STARD9: variants seen among roughly 807,000 people sequenced by gnomAD.
The protein encoded by STARD9 is stAR-related lipid transfer protein 9.
Under a neutral mutation model 399.8 loss-of-function variants are expected in STARD9, and 346 were observed. The ratio of observed to expected loss-of-function variants is 0.87; its 90% confidence interval spans 0.79 to 0.95. The LOEUF is 0.95. Ranked by LOEUF, STARD9 falls within the 40% of genes least tolerant of loss-of-function variation. The pLI, the probability that STARD9 is intolerant of heterozygous loss-of-function variation, is 0.00. For synonymous variants in STARD9, 2,203 were observed against 2,143.5 expected, an observed-to-expected ratio of 1.03 and a Z score of -0.77; for missense variants, 5,832 against 5,667.5, an observed-to-expected ratio of 1.03 and a Z score of -0.93.
At chr15:42,709,424 C>T (rs1016663668) in intron 26 of STARD9, among the ~76,000 whole-genome samples, 1 of 152,112 alleles carries the variant, frequency 6.6e-6, no homozygotes, top group Non-Finnish European at 1.5e-5. Flanking sequence ...AGGTGGCTCA[C>T]GCCTGTAATC....
At chr15:42,577,892 TC>T (rs770746071) in intron 1 of STARD9, among the ~76,000 whole-genome samples, 43 of 152,302 alleles carry the variant, frequency 2.8e-4, no homozygotes, top group Non-Finnish European at 5.9e-4. Context: ...AGTCATTGGA[TC>T]TGATGTTGTG....
intron 3 of STARD9, among the ~76,000 whole-genome samples, chr15:42,589,065 T>C (rs1334833458): frequency 6.6e-6 from 1 of 152,082 alleles, no homozygotes; most frequent in Non-Finnish European, 1.5e-5. Flanking sequence ...TCCACCTGCC[T>C]TGGCCTCCCA....
At position 42,675,986 on chromosome 15, in the gene STARD9, G is replaced by A. The variant is rs1370971524; in HGVS notation, c.1874+11G>A. ...GCTTTGGAAGGAAAGGTAAGAAATA[G>A]CTGCTTATACTGATGTGGAACCTAC... On this transcript the variant is annotated intron_variant, in intron 20 of 32. Transcript: ENST00000290607. 2 of 1,519,022 alleles carry A rather than the reference G, an allele frequency of 1.3e-6. No homozygotes were observed. Among genetic ancestry groups the A allele is most frequent in the Admixed American group, 4.0e-5 (2 of 49,832 alleles). 94.1% of individuals were successfully genotyped at this position (1,519,022 alleles called of 1,614,324 possible).
rs1566937401 is a variant in STARD9 at position 42,686,562 on chromosome 15, G to A, written c.4984G>A (p.Ala1662Thr). 1.3e-6 allele frequency: 2 copies of A among 1,537,392 alleles called. No individual in the cohort carries two copies. The highest frequency in any genetic ancestry group is 3.9e-5 in the Admixed American group (2 of 50,984). The change falls in exon 23 of 33, where the codon GCC becomes ACC. Residue 1662 changes from alanine (A) to threonine (T), a missense_variant. Ala to Thr is a moderately conservative substitution (Grantham distance 58). This residue lies in a region of STARD9 where 5,828 missense variants were observed against 5,651.1 expected (regional missense o/e 1.03). Coordinates refer to ENST00000290607, the MANE Select transcript of STARD9 (RefSeq NM_020759.3). ...KNACHSNVTT[A>T]TKADHWSQGW... is the part of the protein sequence containing the mutation. ...CGCTTGTCACAGTAATGTCACTACA[G>A]CCACCAAAGCAGACCATTGGTCCCA...
At chr15:42,656,032 C>T (rs2059861393) in intron 9 of STARD9, among the ~76,000 whole-genome samples, 1 of 151,972 alleles carries the variant, frequency 6.6e-6, no homozygotes, top group South Asian at 2.1e-4. Context: ...GCAATACCAC[C>T]TTACTCCTGC....
chr15:42,693,233 G>T lies in STARD9; in HGVS notation c.11655G>T (p.Lys3885Asn). The change falls in exon 23 of 33, where the codon AAG becomes AAT. Residue 3885 changes from lysine to asparagine, a missense_variant. This residue lies in a region of STARD9 where 5,828 missense variants were observed against 5,651.1 expected (regional missense o/e 1.03). Transcript: ENST00000290607. ...CTGGGGACTCCAGGGTCCAGAAGAA[G>T]CTGGGCCCCACAAGTGCTTTGTTCG... is the stretch of plus-strand genomic sequence containing the variant. ...EYPGDSRVQK[K>N]LGPTSALFVD... 2 of 1,537,004 alleles carry T rather than the reference G, an allele frequency of 1.3e-6. No homozygotes were observed. The highest frequency in any genetic ancestry group is 1.7e-6 in the Non-Finnish European group (2 of 1,146,850).
intron 3 of STARD9, among the ~76,000 whole-genome samples, chr15:42,588,281 C>G (rs932329188): frequency 6.6e-6 from 1 of 151,580 alleles, no homozygotes; most frequent in Non-Finnish European, 1.5e-5. Context: ...GTTGTGAGTC[C>G]CGTATTTTAC....
At chr15:42,587,723 G>A (rs953576220) in intron 3 of STARD9, among the ~76,000 whole-genome samples, 2 of 152,062 alleles carry the variant, frequency 1.3e-5, no homozygotes, top group Non-Finnish European at 2.9e-5. Context: ...GTGCCACCAC[G>A]CCTGGCTAAT....
At position 42,687,652 on chromosome 15, in the gene STARD9, T is replaced by TG; in HGVS notation, c.6075dup (p.Leu2026ValfsTer14). Reference sequence around the variant, plus strand: ...CCCAGTGAATGCAAGTCACAAGAAATGTTAAATCCCAACAGAGAACCTTCT... The same window carrying TG: ...CCCAGTGAATGCAAGTCACAAGAAATGGTTAAATCCCAACAGAGAACCTTCT... On this transcript the variant is annotated frameshift_variant, in exon 23 of 33. Transcript: ENST00000290607. LOFTEE classifies it high-confidence loss of function. 1 of 1,537,066 alleles carries TG rather than the reference T, an allele frequency of 6.5e-7. No individual in the cohort carries two copies. Among genetic ancestry groups the TG allele is most frequent in the Non-Finnish European group, 8.7e-7 (1 of 1,146,884 alleles).
Position 42,634,910 on chromosome 15 carries a change from A to G in STARD9, c.289A>G (p.Ile97Val), listed in dbSNP as rs1720775716. Reference protein sequence around the residue: ...VLSGVAKGYNICLFAYGQTGS... With the variant: ...VLSGVAKGYNVCLFAYGQTGS... ...GTCTGGAGTTGCCAAAGGCTATAAC[A>G]TATGCCTTTTTGCTTATGGACAGAC... Residue 97 changes from isoleucine to valine, a missense_variant, in exon 4 of 33, where the codon ATA becomes GTA. Ile to Val is a conservative substitution (Grantham distance 29, BLOSUM62 3). This residue lies in a region of STARD9 where 5,828 missense variants were observed against 5,651.1 expected (regional missense o/e 1.03). Coordinates refer to ENST00000290607, the MANE Select transcript of STARD9 (RefSeq NM_020759.3). The G allele has an allele frequency of 6.5e-7, 1 of 1,537,130 alleles. No homozygotes were observed. Among genetic ancestry groups the G allele is most frequent in the African/African-American group, 1.4e-5 (1 of 73,168 alleles).
At chr15:42,595,829 G>C (rs2141719059) in intron 3 of STARD9, among the ~76,000 whole-genome samples, 1 of 152,340 alleles carries the variant, frequency 6.6e-6, no homozygotes, top group Non-Finnish European at 1.5e-5. Context: ...TGGAAGATGG[G>C]AGGGGTTACC....
intron 3 of STARD9, among the ~76,000 whole-genome samples, chr15:42,627,986 G>GT (rs920986109): frequency 4.6e-5 from 7 of 151,762 alleles, no homozygotes; most frequent in Non-Finnish European, 4.4e-5. Context: ...TATCTTTAGT[G>GT]TTTTTTTTCT....
chr15:42,594,108 AAG>A (rs1330596367), intron 3 of STARD9, among the ~76,000 whole-genome samples: 3 of 152,212 alleles, frequency 2.0e-5, no homozygotes, highest in Non-Finnish European at 4.4e-5. Context: ...AGACGGAGAA[AAG>A]AGAGTGTGCT....
Position 42,674,013 on chromosome 15 carries a change from A to G in STARD9, c.1498-427A>G, listed in dbSNP as rs1391335093. ...TCTTCACAAAATGCTTGTTTGATTG[A>G]GACTTACTGGATCAAACTTGGACCA... On this transcript the variant is annotated intron_variant, in intron 16 of 32. Transcript: ENST00000290607. 5 of 457,260 alleles carry G rather than the reference A, an allele frequency of 1.1e-5. No homozygotes were observed. In the Admixed American group the frequency reaches 1.2e-4, roughly 11 times the overall value. The allele number at this position is 457,260 out of a possible 1,614,324, so 28.3% of individuals were successfully genotyped here. A position where few individuals can be genotyped will look rare whatever the true frequency, so the allele number is the denominator to read the frequency against.
intron 3 of STARD9, among the ~76,000 whole-genome samples, chr15:42,622,698 A>G (rs962241868): frequency 3.9e-5 from 6 of 152,202 alleles, no homozygotes; most frequent in African/African-American, 1.4e-4. Context: ...TCCAAGGTTG[A>G]CAGTGAGGTA....
chr15:42,711,033 T>C (rs2061207310), intron 26 of STARD9, among the ~76,000 whole-genome samples: 1 of 151,988 alleles, frequency 6.6e-6, no homozygotes, highest in Admixed American at 6.6e-5. Flanking sequence ...ACTGGACTGC[T>C]GTGGTGCAAT....
intron 7 of STARD9, among the ~76,000 whole-genome samples, chr15:42,641,199 A>G (rs2141948609): frequency 6.6e-6 from 1 of 152,318 alleles, no homozygotes; most frequent in East Asian, 1.9e-4. Context: ...TGCAAAGTTC[A>G]GGACACTTTT....
rs543782448 is a variant in STARD9, at chr15:42,627,846, G to A, written c.235-7010G>A. 6.5e-4 allele frequency among the ~76,000 whole-genome samples: 99 copies of A among 152,312 alleles called. No homozygotes were observed. In the South Asian group the frequency reaches 0.02, roughly 30 times the overall value. On this transcript the variant is annotated intron_variant, in intron 3 of 32. Transcript: ENST00000290607. ...TTGTCTCTTGATGGACATTTAGGTT[G>A]CTTCCAAATCCTCACTATTGTGAAT...
intron 4 of STARD9, among the ~76,000 whole-genome samples, chr15:42,636,666 T>G (rs923624553): frequency 6.6e-6 from 1 of 152,190 alleles, no homozygotes; most frequent in African/African-American, 2.4e-5. Flanking sequence ...ACAGGGACAT[T>G]CTATAGGACA....
Sources: allele counts gnomAD v4.1 joint callset (sites outside exome capture counted in the v4.1 genomes callset), GRCh38; gene constraint gnomAD v4.1.1; regional missense constraint gnomAD v4.1.1; transcripts MANE v1.5; gene names NCBI Gene and HGNC (gene_info 2026-07-23, HGNC 2026-07-21).